The following USP8 variants were observed in gnomAD, a reference collection of about 807,000 sequenced individuals.
The protein encoded by USP8 is ubiquitin carboxyl-terminal hydrolase 8.
USP8 carries 27 observed loss-of-function variants against 130.0 expected under a neutral mutation model. The ratio of observed to expected loss-of-function variants is 0.21; its 90% confidence interval spans 0.15 to 0.29. The LOEUF (loss-of-function observed/expected upper bound fraction) is 0.29. Among genes scored for constraint, USP8 ranks in the 10% least tolerant of loss-of-function variants. The probability of loss-of-function intolerance (pLI) is 1.00; values close to 1 mark genes in which losing one functional copy is unlikely to be tolerated. For missense variants in USP8, 1,029 were observed against 1,312.2 expected, an observed-to-expected ratio of 0.78 and a Z score of 3.33; for synonymous variants, 392 against 444.1, an observed-to-expected ratio of 0.88 and a Z score of 1.48.
intron 14 of USP8, 67 bp from the exon 15 acceptor site, chr15:50,492,634 A>G: frequency 3.3e-6 from 5 of 1,522,628 alleles, no homozygotes; most frequent in Middle Eastern, 1.7e-4. Flanking sequence ...GCTGCCATTT[A>G]TAGTATAGAA....
intron 4 of USP8, 82 bp downstream of exon 4, chr15:50,449,567 C>A: frequency 9.6e-7 from 1 of 1,042,842 alleles, no homozygotes; most frequent in Non-Finnish European, 1.3e-6. Flanking sequence ...TTATATCTGA[C>A]GATTCATATA....
intron 4 of USP8, among the ~76,000 whole-genome samples, chr15:50,454,610 C>G (rs982301677): frequency 6.6e-6 from 1 of 151,768 alleles, no homozygotes; most frequent in East Asian, 1.9e-4. Context: ...TGTGTGCCAC[C>G]ACACCTGGCT....
chr15:50,496,474 C>CTGT (rs2052412455), intron 17 of USP8, among the ~76,000 whole-genome samples: 1 of 111,730 alleles, frequency 9.0e-6, no homozygotes, highest in African/African-American at 3.9e-5. Context: ...GAACAAGACT[C>CTGT]CGTCTTAAAA....
chr15:50,486,177 A>G (rs2051954102), intron 12 of USP8, among the ~76,000 whole-genome samples: 2 of 151,778 alleles, frequency 1.3e-5, no homozygotes, highest in Admixed American at 1.3e-4. Flanking sequence ...GCAAGACCCC[A>G]TTTCTCCACA....
intron 1 of USP8, among the ~76,000 whole-genome samples, chr15:50,437,972 G>A (rs1025862246): frequency 2.0e-5 from 3 of 152,268 alleles, no homozygotes; most frequent in Middle Eastern, 6.8e-3. Flanking sequence ...GATACCTGGA[G>A]CAAGTATAGA....
chr15:50,459,996 C>CTTTTTTTT, intron 5 of USP8, among the ~76,000 whole-genome samples: 1 of 92,010 alleles, frequency 1.1e-5, no homozygotes, highest in Non-Finnish European at 2.1e-5. Context: ...CACCCCCCCC[C>CTTTTTTTT]TTTTTTTTTT....
intron 1 of USP8, among the ~76,000 whole-genome samples, chr15:50,428,368 C>T (rs1333535251): frequency 1.3e-5 from 2 of 152,190 alleles, no homozygotes; most frequent in Non-Finnish European, 2.9e-5. Flanking sequence ...CCACCTGCCT[C>T]GGCCTCCCAA....
chr15:50,458,717 G>A (rs2050876331), intron 4 of USP8: 1 of 270,468 alleles, frequency 3.7e-6, no homozygotes, highest in South Asian at 6.3e-5. Flanking sequence ...AATTGCAGCA[G>A]ATTTGAATCA....
chr15:50,490,618 G>A, intron 14 of USP8, 93 bp downstream of exon 14: 1 of 1,476,256 alleles, frequency 6.8e-7, no homozygotes, highest in South Asian at 1.4e-5. Flanking sequence ...CAGGGAGTTG[G>A]AAATTTCTGT....
Position 50,499,280 on chromosome 15 carries a change from C to T in USP8, c.*192C>T. On this transcript the variant is annotated 3_prime_UTR_variant, in exon 20 of 20. Transcript: ENST00000307179. Reference sequence around the variant, plus strand: ...ATTTAACAAGTATTGCAGTAATCATCACTTACAGGTACCATTTATTTCAAA... The same window carrying T: ...ATTTAACAAGTATTGCAGTAATCATTACTTACAGGTACCATTTATTTCAAA... The T allele has an allele frequency of 6.9e-6, 3 of 433,182 alleles. 1 individual carries two copies. Among genetic ancestry groups the T allele is most frequent in the Non-Finnish European group, 1.2e-5 (3 of 259,864 alleles). The allele number at this position is 433,182 out of a possible 1,614,324, so 26.8% of individuals were successfully genotyped here.
chr15:50,459,188 A>C, intron 5 of USP8, 26 bp downstream of exon 5: 1 of 1,589,720 alleles, frequency 6.3e-7, no homozygotes, highest in Non-Finnish European at 8.5e-7. Flanking sequence ...TGTGTGAGTT[A>C]AAAGACTGTT....
At chr15:50,438,412 C>T (rs528206232) in intron 1 of USP8, among the ~76,000 whole-genome samples, 20 of 152,256 alleles carry the variant, frequency 1.3e-4, no homozygotes, top group Non-Finnish European at 1.8e-4. Flanking sequence ...GACGAAACCC[C>T]GTATCTACTG....
chr15:50,462,879 A>G (rs1017597897), intron 6 of USP8, among the ~76,000 whole-genome samples: 23 of 152,222 alleles, frequency 1.5e-4, no homozygotes, highest in Non-Finnish European at 2.9e-4. Flanking sequence ...TAGGTTGTAG[A>G]TTTAATTTTT....
chr15:50,508,835 A>T lies in USP8; in HGVS notation c.*9747A>T, dbSNP rs775405394. ...CAACATGGCAAAACCCCGTCTCTAT[A>T]AAAAAAAAAAGAGTACAGGCCAGGC... On this transcript the variant is annotated 3_prime_UTR_variant, in exon 20 of 20. Transcript: ENST00000307179. 2.8e-5 allele frequency: 2 copies of T among 71,460 alleles called. No homozygotes were observed. The highest frequency in any genetic ancestry group is 5.8e-5 in the Non-Finnish European group (2 of 34,538). The allele number at this position is 71,460 out of a possible 1,614,324, so 4.4% of individuals were successfully genotyped here.
chr15:50,495,714 A>G (rs2052371218), intron 16 of USP8, 134 bp from the exon 17 acceptor site: 17 of 666,752 alleles, frequency 2.5e-5, no homozygotes. Context: ...TGCCACACTC[A>G]GTGAGATCAG....
intron 5 of USP8, among the ~76,000 whole-genome samples, 165 bp downstream of exon 5, chr15:50,459,327 T>G (rs1187618588): frequency 6.6e-6 from 1 of 152,254 alleles, no homozygotes; most frequent in Non-Finnish European, 1.5e-5. Context: ...CTCACGCCTG[T>G]AATCCCAGCA....
chr15:50,448,771 C>T (rs1595917743), intron 3 of USP8, among the ~76,000 whole-genome samples: 1 of 152,104 alleles, frequency 6.6e-6, no homozygotes, highest in Admixed American at 6.6e-5. Flanking sequence ...GTGCCCGCCT[C>T]GGCCTCCCAA....
At chr15:50,490,067 TG>T (rs1325256541) in intron 13 of USP8, among the ~76,000 whole-genome samples, 186 bp downstream of exon 13, 1 of 152,224 alleles carries the variant, frequency 6.6e-6, no homozygotes, top group Non-Finnish European at 1.5e-5. Context: ...CTACAATATA[TG>T]AGCATTCTGG....
At chr15:50,433,769 C>G (rs1278812682) in intron 1 of USP8, among the ~76,000 whole-genome samples, 3 of 152,190 alleles carry the variant, frequency 2.0e-5, no homozygotes, top group African/African-American at 7.2e-5. Context: ...CCGTGCCCGG[C>G]TAATTTTTTG....
Sources: allele counts gnomAD v4.1 joint callset (sites outside exome capture counted in the v4.1 genomes callset), GRCh38; gene constraint gnomAD v4.1.1; transcripts MANE v1.5; gene names NCBI Gene and HGNC (gene_info 2026-07-23, HGNC 2026-07-21).